Variants in JAK2 observed in about 807,000 individuals in gnomAD.
The protein encoded by JAK2 is Janus kinase 2, also known as tyrosine-protein kinase JAK2.
JAK2 carries 86 observed loss-of-function variants against 139.3 expected under a neutral mutation model. The observed-to-expected ratio is 0.62, with a 90% CI of 0.52 to 0.74. The LOEUF (loss-of-function observed/expected upper bound fraction) is 0.74, where lower values mean the gene tolerates loss of function less well. JAK2 is among the 30% of genes least tolerant of loss of function. The pLI is 0.00. For synonymous variants in JAK2, 490 were observed against 437.7 expected, an observed-to-expected ratio of 1.12 and a Z score of -1.49; for missense variants, 1,421 against 1,360.3, an observed-to-expected ratio of 1.04 and a Z score of -0.70.
chr9:5,098,294 C>T (rs909011346), intron 22 of JAK2: 5 of 152,170 alleles, frequency 3.3e-5, no homozygotes, highest in Non-Finnish European at 5.9e-5. Flanking sequence ...AAATTCATTA[C>T]GTAACTTTGT....
intron 2 of JAK2, among the ~76,000 whole-genome samples, chr9:5,012,755 AT>A (rs1408256386): frequency 1.3e-5 from 2 of 152,200 alleles, no homozygotes; most frequent in African/African-American, 4.8e-5. Context: ...GAAGCCTATA[AT>A]TTAGTAGTGG....
intron 22 of JAK2, chr9:5,112,484 A>C (rs1822690873): frequency 1.8e-6 from 1 of 555,776 alleles, no homozygotes; most frequent in African/African-American, 2.0e-5. Flanking sequence ...ACCAGCCCAG[A>C]CAAGGACGAG....
At chr9:5,077,710 G>T in intron 15 of JAK2, 130 bp downstream of exon 15, 1 of 517,886 alleles carries the variant, frequency 1.9e-6, no homozygotes. Context: ...GTCTGTGTTA[G>T]GTGATAAAAA....
chr9:5,095,826 C>T (rs1335014116), intron 22 of JAK2, among the ~76,000 whole-genome samples: 3 of 152,236 alleles, frequency 2.0e-5, no homozygotes, highest in Admixed American at 6.5e-5. Context: ...CAAACGTTAC[C>T]ATTATAAATC....
intron 4 of JAK2, among the ~76,000 whole-genome samples, chr9:5,042,662 G>A (rs552684763): frequency 1.3e-5 from 2 of 152,092 alleles, no homozygotes; most frequent in East Asian, 1.9e-4. Context: ...TCCAAAGGCC[G>A]TTTTCTCAGT....
At chr9:5,124,006 C>T (rs1165874322) in intron 23 of JAK2, among the ~76,000 whole-genome samples, 3 of 150,998 alleles carry the variant, frequency 2.0e-5, no homozygotes, top group African/African-American at 7.3e-5. Flanking sequence ...GTTTGGGTGT[C>T]TTCTTTTGAA....
chr9:5,092,587 AC>A (rs1314707184), intron 22 of JAK2, among the ~76,000 whole-genome samples: 4 of 152,234 alleles, frequency 2.6e-5, no homozygotes, highest in Admixed American at 2.0e-4. Flanking sequence ...CACAATAGAT[AC>A]AGTACCGTAA....
In JAK2 at chr9:5,127,851, G is replaced by T. The variant is rs1824098865; in HGVS notation, c.*1060G>T. 4.3e-6 allele frequency: 1 copy of T among 232,488 alleles called. No homozygotes were observed. Among genetic ancestry groups the T allele is most frequent in the Non-Finnish European group, 8.5e-6 (1 of 117,382 alleles). The allele number at this position is 232,488 out of a possible 1,614,324, so 14.4% of individuals were successfully genotyped here. Reference sequence around the variant, plus strand: ...TTCAGAATTTTGCATTGCAGTCATAGAAGAGATTTATTTCCTTTTTAGAGG... The same window carrying T: ...TTCAGAATTTTGCATTGCAGTCATATAAGAGATTTATTTCCTTTTTAGAGG... On this transcript the variant is annotated 3_prime_UTR_variant, in exon 25 of 25. Transcript: ENST00000381652.
rs1295254537 is a variant in JAK2, at chr9:5,128,841, T to G, written c.*2050T>G. On this transcript the variant is annotated 3_prime_UTR_variant, in exon 25 of 25. Coordinates refer to ENST00000381652, the MANE Select transcript of JAK2 (RefSeq NM_004972.4). ...ACAGGTAAGTAATTATTGTACCAGT[T>G]AATGCCAAAATATTTTTCACGTTAA... 6.6e-6 allele frequency among the ~76,000 whole-genome samples: 1 copy of G among 152,052 alleles called. No individual in the cohort carries two copies. The highest frequency in any genetic ancestry group is 1.5e-5 in the Non-Finnish European group (1 of 67,880).
intron 12 of JAK2, 90 bp from the exon 13 acceptor site, chr9:5,072,400 TAA>T: frequency 1.1e-6 from 1 of 931,290 alleles, no homozygotes; most frequent in Non-Finnish European, 1.5e-6. Context: ...CTTATGGATT[TAA>T]AAAAATTCTT....
chr9:5,105,738 G>A (rs1343039796), intron 22 of JAK2, among the ~76,000 whole-genome samples: 1 of 152,162 alleles, frequency 6.6e-6, no homozygotes, highest in East Asian at 1.9e-4. Context: ...GAACAGAACA[G>A]AGGCCTCAGA....
intron 4 of JAK2, among the ~76,000 whole-genome samples, chr9:5,043,178 C>G (rs887041128): frequency 5.3e-5 from 8 of 151,566 alleles, no homozygotes; most frequent in African/African-American, 1.9e-4. Context: ...GACTGGCTGG[C>G]GGACTCCCAG....
chr9:4,990,607 GA>G (rs34944921), intron 2 of JAK2, among the ~76,000 whole-genome samples: 6,826 of 151,850 alleles, frequency 0.045, 398 homozygotes, highest in African/African-American at 0.14. Context: ...AGGAGACAAA[GA>G]AAAAAACAGT....
chr9:5,090,225 T>C (rs866361436), intron 20 of JAK2, among the ~76,000 whole-genome samples: 2 of 152,218 alleles, frequency 1.3e-5, no homozygotes, highest in African/African-American at 4.8e-5. Flanking sequence ...TGAAGAGTTA[T>C]AGAAAACTGA....
intron 4 of JAK2, among the ~76,000 whole-genome samples, chr9:5,036,275 CAAT>C: frequency 6.6e-6 from 1 of 152,134 alleles, no homozygotes; most frequent in South Asian, 2.1e-4. Context: ...TAGGAAGAAT[CAAT>C]ATTGTGAAAA....
intron 2 of JAK2, among the ~76,000 whole-genome samples, chr9:5,021,314 C>T (rs1276473702): frequency 1.3e-5 from 2 of 152,192 alleles, no homozygotes; most frequent in Non-Finnish European, 2.9e-5. Flanking sequence ...TACCAGATAA[C>T]TCTAGTCAAC....
intron 8 of JAK2, among the ~76,000 whole-genome samples, chr9:5,056,634 G>T (rs540987768): frequency 1.3e-4 from 19 of 151,996 alleles, no homozygotes; most frequent in Admixed American, 5.9e-4. Context: ...ATGTGTGTTT[G>T]TACCCCCTAC....
intron 14 of JAK2, among the ~76,000 whole-genome samples, chr9:5,076,486 C>A (rs997601213): frequency 3.3e-5 from 5 of 152,068 alleles, no homozygotes; most frequent in Non-Finnish European, 7.4e-5. Context: ...ATCATTAGCA[C>A]CTTTTTTGGC....
rs79992011 is a variant in JAK2, at chr9:5,113,105, C to T, written c.3060-9899C>T. ...CTCACTGCCCTCGCTCCCCCTGCCC[C>T]CGTATCTCAGCCACCATGTCACCCT... On this transcript the variant is annotated intron_variant, in intron 22 of 24. Transcript: ENST00000381652. Among the ~76,000 whole-genome samples the T allele has an allele frequency of 6.7e-3, 1,024 of 152,086 alleles. 26 individuals are homozygous for T. The highest frequency in any genetic ancestry group is 0.065 in the East Asian group (336 of 5,142).
Sources: allele counts gnomAD v4.1 joint callset (sites outside exome capture counted in the v4.1 genomes callset), GRCh38; gene constraint gnomAD v4.1.1; transcripts MANE v1.5; gene names NCBI Gene and HGNC (gene_info 2026-07-23, HGNC 2026-07-21).